The following ZNF320 variants were observed in gnomAD, a reference collection of about 807,000 sequenced individuals.
The protein encoded by ZNF320 is zinc finger gene 320.
ZNF320 carries 2 observed loss-of-function variants against 6.8 expected under a neutral mutation model. The observed-to-expected ratio is 0.29, with a 90% CI of 0.12 to 0.93. The LOEUF is 0.93. Ranked by LOEUF, ZNF320 falls within the 40% of genes least tolerant of loss-of-function variation. The pLI is 0.55. For synonymous variants in ZNF320, 208 were observed against 203.2 expected (o/e 1.02, Z -0.20); for missense variants, 472 against 611.0 (o/e 0.77, Z 2.40).
At chr19:52,867,986 C>G (rs532886319) in intron 5 of ZNF320, among the ~76,000 whole-genome samples, 23 of 152,240 alleles carry the variant, frequency 1.5e-4, no homozygotes, top group Non-Finnish European at 7.4e-5. Flanking sequence ...CTCAAGCAAT[C>G]TACCCCCATC....
chr19:52,902,697 AGT>A, the ZNF320 span, among the ~76,000 whole-genome samples: 6 of 152,334 alleles, frequency 3.9e-5, no homozygotes, highest in East Asian at 9.6e-4. Flanking sequence ...CTTTTATATT[AGT>A]GTGTTACTAA....
intron 5 of ZNF320, among the ~76,000 whole-genome samples, chr19:52,885,339 G>T (rs2064041920): frequency 6.6e-6 from 1 of 152,154 alleles, no homozygotes; most frequent in Admixed American, 6.5e-5. Context: ...CCAGCACTTT[G>T]GGAGGGCAAG....
chr19:52,866,609 G>A (rs768422886), intron 5 of ZNF320, among the ~76,000 whole-genome samples: 3 of 152,086 alleles, frequency 2.0e-5, no homozygotes, highest in Admixed American at 6.6e-5. Flanking sequence ...TTTGGCTCAC[G>A]CATGTAATCC....
At chr19:52,860,086 G>C (rs186981178), downstream of ZNF320, among the ~76,000 whole-genome samples, 67 of 151,950 alleles carry the variant, frequency 4.4e-4, no homozygotes, top group African/African-American at 1.6e-3. Flanking sequence ...CTAATTTTTG[G>C]AATTTTTAGT....
rs2063881103 is a variant in ZNF320, at chr19:52,880,528, G to A, written c.*68C>T. 1 of 1,456,856 alleles carries A rather than the reference G, an allele frequency of 6.9e-7. No individual in the cohort carries two copies. Among genetic ancestry groups the A allele is most frequent in the East Asian group, 2.3e-5 (1 of 44,116 alleles). The allele number at this position is 1,456,856 out of a possible 1,614,324, so 90.2% of individuals were successfully genotyped here. A position where few individuals can be genotyped will look rare whatever the true frequency, so the allele number is the denominator to read the frequency against. On this transcript the variant is annotated 3_prime_UTR_variant, in exon 6 of 6. Transcript: ENST00000682928. ...ATCCTCTTAACATAAACAGTTTAAT[G>A]TCGATTAATGCTTGAAATCAATGTT...
At chr19:52,872,571 G>A (rs950741649), downstream of ZNF320, among the ~76,000 whole-genome samples, 3 of 152,154 alleles carry the variant, frequency 2.0e-5, no homozygotes, top group East Asian at 1.9e-4. Flanking sequence ...GCATGGTTTC[G>A]GCTCACTGAA....
At chr19:52,903,620 T>TA in the ZNF320 span, among the ~76,000 whole-genome samples, 1 of 152,176 alleles carries the variant, frequency 6.6e-6, no homozygotes, top group Non-Finnish European at 1.5e-5. Flanking sequence ...GGGTCACAGT[T>TA]ACACCATAAT....
chr19:52,869,820 A>G (rs1199424572), intron 5 of ZNF320, among the ~76,000 whole-genome samples: 1 of 152,104 alleles, frequency 6.6e-6, no homozygotes, highest in Non-Finnish European at 1.5e-5. Flanking sequence ...GTTTCACGCC[A>G]TTCTCCTGCC....
intron 5 of ZNF320, among the ~76,000 whole-genome samples, chr19:52,867,132 T>C (rs1238406170): frequency 6.6e-6 from 1 of 152,124 alleles, no homozygotes; most frequent in Non-Finnish European, 1.5e-5. Context: ...CTCCCTGGTC[T>C]GGATGTTCAT....
At chr19:52,862,932 C>CTGT in exon 6 of ZNF320, 1 of 213,306 alleles carries the variant, frequency 4.7e-6, no homozygotes, top group Non-Finnish European at 9.6e-6. Context: ...TGTTCTGGAC[C>CTGT]CTGAGGCAGG....
intron 5 of ZNF320, among the ~76,000 whole-genome samples, chr19:52,886,671 C>T (rs763436274): frequency 2.0e-5 from 3 of 152,090 alleles, no homozygotes; most frequent in Non-Finnish European, 2.9e-5. Context: ...CATGGCAGCT[C>T]GCGCCTGTAA....
Position 52,890,242 on chromosome 19 carries a change from T to C in ZNF320, c.14A>G (p.Gln5Arg). ...AATCCACCGAGAATATCATCTCACC[T>C]GAGAAAGAGCCATCCCCGACTCCTT... MALS[Q>R]GLLTFRDVAI... The change falls in exon 4 of 6, where the codon CAG (glutamine) becomes CGG (arginine). Residue 5 changes from glutamine (Q) to arginine (R), a missense_variant and splice_region_variant. By Grantham distance (43) the Gln-to-Arg change is conservative. Coordinates refer to ENST00000682928, the MANE Select transcript of ZNF320 (RefSeq NM_001351774.2). The C allele has an allele frequency of 6.2e-7, 1 of 1,607,358 alleles. No homozygotes were observed.
intron 1 of ZNF320, among the ~76,000 whole-genome samples, chr19:52,894,397 A>C (rs200069376): frequency 2.1e-5 from 2 of 97,168 alleles, no homozygotes; most frequent in Non-Finnish European, 5.0e-5. Flanking sequence ...AAAAAAAAAA[A>C]CCAAAAAACA....
At chr19:52,864,086 T>C (rs1470508339) in exon 6 of ZNF320, 2 of 454,242 alleles carry the variant, frequency 4.4e-6, no homozygotes, top group Admixed American at 5.3e-5. Flanking sequence ...GTATAAAGCG[T>C]TCTGTGCAGG....
chr19:52,864,883 G>C (rs1429046912), intron 5 of ZNF320, among the ~76,000 whole-genome samples: 1 of 151,976 alleles, frequency 6.6e-6, no homozygotes, highest in Non-Finnish European at 1.5e-5. Flanking sequence ...CGTGGTGGCA[G>C]GCACCTGTAG....
At chr19:52,874,436 G>A (rs2063731480), downstream of ZNF320, among the ~76,000 whole-genome samples, 1 of 152,132 alleles carries the variant, frequency 6.6e-6, no homozygotes, top group Non-Finnish European at 1.5e-5. Flanking sequence ...TTTCAATGCT[G>A]GAGACAGATA....
rs2063883378 is a variant in ZNF320 at position 52,880,593 on chromosome 19, A to G, written c.*3T>C. 1.9e-6 allele frequency: 3 copies of G among 1,588,964 alleles called. No individual in the cohort carries two copies. The highest frequency in any genetic ancestry group is 1.3e-5 in the African/African-American group (1 of 74,196). On this transcript the variant is annotated 3_prime_UTR_variant, in exon 6 of 6. Coordinates refer to ENST00000682928, the MANE Select transcript of ZNF320 (RefSeq NM_001351774.2). ...TCAGGTCAATGCTGATTTGACTCTG[A>G]TGTCAATTAATGCTTGATGGTTTGC... is the stretch of plus-strand genomic sequence containing the variant.
At chr19:52,866,467 C>A (rs556628987) in intron 5 of ZNF320, among the ~76,000 whole-genome samples, 3 of 152,032 alleles carry the variant, frequency 2.0e-5, no homozygotes. Flanking sequence ...AGGACTCACA[C>A]GTCTTCATTC....
intron 5 of ZNF320, among the ~76,000 whole-genome samples, chr19:52,866,918 G>C (rs915971918): frequency 6.7e-6 from 1 of 150,070 alleles, no homozygotes; most frequent in East Asian, 1.9e-4. Context: ...AGTGTCAGAC[G>C]GCTGAATTAT....
Sources: gnomAD v4.1 joint callset for allele counts (sites outside exome capture counted in the v4.1 genomes callset) on GRCh38, gnomAD v4.1.1 for gene constraint, MANE v1.5 for transcripts, NCBI Gene and HGNC (gene_info 2026-07-23, HGNC 2026-07-21) for gene names.